ABCC1: variants seen among roughly 807,000 people sequenced by gnomAD.
The protein encoded by ABCC1 is multidrug resistance-associated protein 1.
ABCC1 carries 83 observed loss-of-function variants against 172.9 expected under a neutral mutation model. The observed-to-expected ratio is 0.48, with a 90% CI of 0.40 to 0.58. The LOEUF is 0.58. ABCC1 is among the 20% of genes least tolerant of loss of function. The pLI is 0.00. For synonymous variants in ABCC1, 937 were observed against 825.2 expected, an observed-to-expected ratio of 1.14 and a Z score of -2.32; for missense variants, 1,817 against 2,002.7, an observed-to-expected ratio of 0.91 and a Z score of 1.77.
Position 16,078,343 on chromosome 16 carries a change from G to A in ABCC1, c.1989-1009G>A, listed in dbSNP as rs181089006. 1.7e-4 allele frequency among the ~76,000 whole-genome samples: 26 copies of A among 152,250 alleles called. No individual in the cohort carries two copies. In the East Asian group the frequency reaches 3.1e-3, roughly 18 times the overall value. On this transcript the variant is annotated intron_variant, in intron 15 of 30. Coordinates refer to ENST00000399410, the MANE Select transcript of ABCC1 (RefSeq NM_004996.4). ...GGGTTGACCTGCCCCATTGACAGCC[G>A]GTCTTACTGGGTGAATGCTGAGCTT...
intron 1 of ABCC1, among the ~76,000 whole-genome samples, chr16:15,978,853 G>A (rs1309099218): frequency 6.6e-6 from 1 of 152,098 alleles, no homozygotes; most frequent in Non-Finnish European, 1.5e-5. Flanking sequence ...TGTCTGTTGG[G>A]TTAGGATCAG....
At chr16:16,095,585 T>C (rs1307863733) in intron 19 of ABCC1, among the ~76,000 whole-genome samples, 1 of 152,240 alleles carries the variant, frequency 6.6e-6, no homozygotes, top group Non-Finnish European at 1.5e-5. Context: ...AGAAACCCTG[T>C]GTGCTCCGAC....
At chr16:16,109,193 GA>G (rs1283285903) in intron 21 of ABCC1, among the ~76,000 whole-genome samples, 5 of 151,574 alleles carry the variant, frequency 3.3e-5, no homozygotes, top group Non-Finnish European at 7.4e-5. Context: ...TTTTTCTGGT[GA>G]GGGGCAGAGC....
At chr16:16,105,051 T>C (rs2052013320) in intron 20 of ABCC1, among the ~76,000 whole-genome samples, 1 of 152,106 alleles carries the variant, frequency 6.6e-6, no homozygotes. Flanking sequence ...GCTCCAGCCT[T>C]GGCCAGCCCA....
At chr16:16,014,461 A>C (rs994941365) in intron 3 of ABCC1, 30 bp from the exon 4 acceptor site, 1 of 1,605,482 alleles carries the variant, frequency 6.2e-7, no homozygotes, top group African/African-American at 1.3e-5. Context: ...AAAAAACCCA[A>C]CAACTCCTGT....
chr16:16,065,052 A>G (rs1270770833), intron 12 of ABCC1, among the ~76,000 whole-genome samples: 3 of 152,214 alleles, frequency 2.0e-5, no homozygotes, highest in African/African-American at 7.2e-5. Flanking sequence ...GGGAGTAGCA[A>G]GAGCATGTGC....
intron 12 of ABCC1, among the ~76,000 whole-genome samples, chr16:16,063,177 G>A (rs940283474): frequency 6.6e-6 from 1 of 152,138 alleles, no homozygotes; most frequent in African/African-American, 2.4e-5. Flanking sequence ...CACAATCACA[G>A]CTCACTGCAA....
chr16:15,992,669 G>A (rs753408300), intron 1 of ABCC1, among the ~76,000 whole-genome samples: 35 of 152,174 alleles, frequency 2.3e-4, no homozygotes, highest in Non-Finnish European at 4.9e-4. Context: ...CCAAAGTGCT[G>A]GGATTACAGG....
chr16:16,132,507 G>GTTTTTTTT (rs1379143382), intron 27 of ABCC1, among the ~76,000 whole-genome samples: 1 of 75,062 alleles, frequency 1.3e-5, no homozygotes, highest in South Asian at 4.1e-4. Flanking sequence ...TTTTTGGTTG[G>GTTTTTTTT]TTGTTTTTTT....
chr16:16,038,026 A>G (rs1337020759), intron 7 of ABCC1, among the ~76,000 whole-genome samples: 1 of 146,544 alleles, frequency 6.8e-6, no homozygotes, highest in Non-Finnish European at 1.5e-5. Context: ...ACAGTTCTTC[A>G]TGGAGACAGA....
intron 5 of ABCC1, among the ~76,000 whole-genome samples, chr16:16,028,956 G>A (rs2048469374): frequency 6.6e-6 from 1 of 152,164 alleles, no homozygotes; most frequent in South Asian, 2.1e-4. Context: ...TTAAAGATCT[G>A]TGGCTGTCAG....
At chr16:15,962,354 A>G (rs1324633180) in intron 1 of ABCC1, among the ~76,000 whole-genome samples, 1 of 152,204 alleles carries the variant, frequency 6.6e-6, no homozygotes, top group Admixed American at 6.5e-5. Context: ...TGCTAATGTC[A>G]CTCTGATTTT....
At chr16:16,080,178 C>T (rs1222299600) in intron 16 of ABCC1, among the ~76,000 whole-genome samples, 5 of 152,062 alleles carry the variant, frequency 3.3e-5, no homozygotes, top group East Asian at 1.9e-4. Flanking sequence ...CCTTCCCTTG[C>T]GTCTCTGCCT....
At chr16:16,096,931 AAG>A (rs2051506918) in intron 19 of ABCC1, among the ~76,000 whole-genome samples, 2 of 151,952 alleles carry the variant, frequency 1.3e-5, no homozygotes, top group Non-Finnish European at 1.5e-5. Flanking sequence ...AAAAAAAAGA[AAG>A]AACTCTTGCT....
intron 27 of ABCC1, among the ~76,000 whole-genome samples, chr16:16,132,507 G>GTTT (rs1379143382): frequency 2.7e-5 from 2 of 75,062 alleles, no homozygotes; most frequent in Admixed American, 1.4e-4. Flanking sequence ...TTTTTGGTTG[G>GTTT]TTGTTTTTTT....
intron 20 of ABCC1, among the ~76,000 whole-genome samples, chr16:16,103,924 C>G (rs1054011001): frequency 6.6e-6 from 1 of 152,114 alleles, no homozygotes; most frequent in Non-Finnish European, 1.5e-5. Context: ...GGGTTTGTTC[C>G]TTCTGCTGTT....
chr16:16,045,979 T>A lies in ABCC1; in HGVS notation c.1184T>A (p.Ile395Asn). Residue 395 changes from isoleucine to asparagine, a missense_variant, in exon 9 of 31, where the codon ATC becomes AAC. Physicochemically the swap from Ile to Asn is moderately radical, Grantham distance 149 (BLOSUM62 -3). Around this residue, in one of 3 missense-constraint regions of ABCC1, gnomAD observed 1,412 missense variants for 1,600.3 expected, o/e 0.88. Transcript: ENST00000399410. ...ATCTGCTTCGTCAGTGGCATGAGGA[T>A]CAAGACCGCTGTCATTGGGGCTGTC... Reference protein sequence around the residue: ...FHICFVSGMRIKTAVIGAVYR... With the variant: ...FHICFVSGMRNKTAVIGAVYR... 1 of 1,614,174 alleles carries A rather than the reference T, an allele frequency of 6.2e-7. No individual in the cohort carries two copies.
rs756593271 is a variant in ABCC1 at position 16,083,368 on chromosome 16, C to T, written c.2118C>T (p.Gly706=). 3.7e-6 allele frequency: 6 copies of T among 1,613,096 alleles called. No homozygotes were observed. The East Asian group carries it at 8.9e-5, about 24-fold the overall frequency. Residue 706 remains glycine, a splice_region_variant and synonymous_variant, in exon 17 of 31, where the codon GGC becomes GGT. Coordinates refer to ENST00000399410, the MANE Select transcript of ABCC1 (RefSeq NM_004996.4). ...CTCGTTCTCCATTTGCAACTTAGGGCTCCGTGGCCTATGTGCCACAGCAGG... is the reference window on the plus strand; with the variant it reads ...CTCGTTCTCCATTTGCAACTTAGGGTTCCGTGGCCTATGTGCCACAGCAGG... ...DKVEGHVAIK[G]SVAYVPQQAW...
chr16:16,076,921 C>T (rs1052671669), intron 15 of ABCC1, among the ~76,000 whole-genome samples: 2 of 152,124 alleles, frequency 1.3e-5, no homozygotes, highest in Non-Finnish European at 2.9e-5. Context: ...ATCGCTATGC[C>T]TTCAGACACT....
Sources: allele counts gnomAD v4.1 joint callset (sites outside exome capture counted in the v4.1 genomes callset), GRCh38; gene constraint gnomAD v4.1.1; regional missense constraint gnomAD v4.1.1; transcripts MANE v1.5; gene names NCBI Gene and HGNC (gene_info 2026-07-23, HGNC 2026-07-21).